Variants in RYR3 observed in about 807,000 individuals in gnomAD.
RYR3 encodes ryanodine receptor 3.
A neutral mutation model predicts 584.3 loss-of-function variants in RYR3; 207 were observed. That is an observed-to-expected ratio of 0.35 (90% CI 0.32 to 0.40). The LOEUF is 0.40. Among genes scored for constraint, RYR3 ranks in the 10% least tolerant of loss-of-function variants. RYR3 has a pLI of 1.00. For synonymous variants in RYR3, 2,416 were observed against 2,248.5 expected (o/e 1.07, Z -2.11); for missense variants, 5,616 against 6,089.2 (o/e 0.92, Z 2.59).
intron 1 of RYR3, among the ~76,000 whole-genome samples, chr15:33,369,349 C>T (rs1975979491): frequency 6.6e-6 from 1 of 152,204 alleles, no homozygotes; most frequent in African/African-American, 2.4e-5. Context: ...GGCACTCCTC[C>T]ACCAAATTAC....
intron 58 of RYR3, 83 bp downstream of exon 58, chr15:33,755,263 A>T: frequency 1.1e-6 from 1 of 879,576 alleles, no homozygotes; most frequent in African/African-American, 1.7e-5. Flanking sequence ...ACTTTTTATG[A>T]TTCATTTAGG....
chr15:33,355,693 G>C (rs1363093419), intron 1 of RYR3, among the ~76,000 whole-genome samples: 4 of 152,176 alleles, frequency 2.6e-5, no homozygotes, highest in Non-Finnish European at 5.9e-5. Flanking sequence ...CATTGTAGCT[G>C]ACTATATGGA....
chr15:33,344,066 C>A (rs10519811), intron 1 of RYR3, among the ~76,000 whole-genome samples: 11,956 of 152,232 alleles, frequency 0.079, 553 homozygotes, highest in Middle Eastern at 0.12. Flanking sequence ...AACGTACATT[C>A]ACTTGCTGGA....
At chr15:33,621,275 A>T (rs1385710916) in intron 19 of RYR3, among the ~76,000 whole-genome samples, 1 of 152,216 alleles carries the variant, frequency 6.6e-6, no homozygotes, top group Non-Finnish European at 1.5e-5. Context: ...AATGGAATAC[A>T]CTTACTTGCT....
chr15:33,423,448 T>C (rs1452039245), intron 1 of RYR3, among the ~76,000 whole-genome samples: 1 of 152,228 alleles, frequency 6.6e-6, no homozygotes, highest in East Asian at 1.9e-4. Flanking sequence ...TATTGTGAAT[T>C]GGCCTGTAAG....
intron 49 of RYR3, among the ~76,000 whole-genome samples, chr15:33,736,773 G>T (rs1261765767): frequency 1.6e-5 from 2 of 126,762 alleles, no homozygotes. Context: ...AAATGAGATG[G>T]AGTCTTGCTC....
chr15:33,566,571 T>C, intron 11 of RYR3, 107 bp from the exon 12 acceptor site: 1 of 1,245,032 alleles, frequency 8.0e-7, no homozygotes, highest in Non-Finnish European at 1.2e-6. Flanking sequence ...AGAGAGCTTA[T>C]TTGGAGAAAG....
At chr15:33,792,331 G>A (rs988234522) in intron 67 of RYR3, among the ~76,000 whole-genome samples, 1 of 152,136 alleles carries the variant, frequency 6.6e-6, no homozygotes, top group South Asian at 2.1e-4. Context: ...CAAACCTGCT[G>A]CTCCCTTCTC....
Position 33,827,235 on chromosome 15 carries a change from C to G in RYR3, c.11282C>G (p.Thr3761Ser), listed in dbSNP as rs1320859405. The change falls in exon 85 of 104, where the codon ACC becomes AGC. Residue 3761 changes from threonine to serine, a missense_variant. Thr to Ser is a moderately conservative substitution (Grantham distance 58). This residue lies in a region of RYR3 where 954 missense variants were observed against 1,132.2 expected (regional missense o/e 0.84). Transcript: ENST00000634891. Reference protein sequence around the residue: ...QNFLRTQMGNTTTVNVIISTV... With the variant: ...QNFLRTQMGNSTTVNVIISTV... ...TTCCTGCGGACTCAGATGGGCAACA[C>G]CACCACCGTGAATGTCATCATCAGC... is the stretch of plus-strand genomic sequence containing the variant. 6.4e-7 allele frequency: 1 copy of G among 1,552,366 alleles called. No individual in the cohort carries two copies. Among genetic ancestry groups the G allele is most frequent in the African/African-American group, 1.4e-5 (1 of 73,062 alleles).
In RYR3 at chr15:33,563,007, A is replaced by G. The variant is rs1380106388; in HGVS notation, c.1143A>G (p.Arg381=). ...CTTCCCGCCTGGGACCTCTAAAAAGAAAGGTGAGAGTCAGAATATCTGTCT... is the reference window on the plus strand; with the variant it reads ...CTTCCCGCCTGGGACCTCTAAAAAGGAAGGTGAGAGTCAGAATATCTGTCT... ...AKTSRLGPLK[R]KVILHQEGHM... The change falls in exon 11 of 104, where the codon AGA becomes AGG. Residue 381 remains arginine, a synonymous_variant. Transcript: ENST00000634891. 6.2e-7 allele frequency: 1 copy of G among 1,608,108 alleles called. No individual in the cohort carries two copies. Among genetic ancestry groups the G allele is most frequent in the African/African-American group, 1.3e-5 (1 of 74,694 alleles).
At chr15:33,407,980 GA>G (rs60482512) in intron 1 of RYR3, among the ~76,000 whole-genome samples, 5,796 of 147,238 alleles carry the variant, frequency 0.039, 367 homozygotes, top group African/African-American at 0.13. Context: ...TTTGGAAAAG[GA>G]AAAAAAAATG....
chr15:33,669,862 G>GGGT (rs2063730433), intron 37 of RYR3, among the ~76,000 whole-genome samples: 1 of 43,536 alleles, frequency 2.3e-5, no homozygotes, highest in Non-Finnish European at 5.3e-5. Flanking sequence ...GGGGGGGTGT[G>GGGT]GGTGTGTGGG....
intron 41 of RYR3, 22 bp downstream of exon 41, chr15:33,699,855 T>G (rs562338278): frequency 6.2e-7 from 1 of 1,602,192 alleles, no homozygotes; most frequent in South Asian, 1.1e-5. Context: ...TTCTTGTAAC[T>G]TCCACATCCA....
intron 36 of RYR3, among the ~76,000 whole-genome samples, chr15:33,667,790 G>A (rs569123774): frequency 1.3e-5 from 2 of 152,170 alleles, no homozygotes; most frequent in South Asian, 4.1e-4. Context: ...CAGGCCCGGC[G>A]CGGTGGCTCA....
At chr15:33,743,554 G>A (rs374138339) in intron 52 of RYR3, among the ~76,000 whole-genome samples, 4 of 152,314 alleles carry the variant, frequency 2.6e-5, no homozygotes, top group East Asian at 1.9e-4. Flanking sequence ...TTGCTCTAGA[G>A]CATCTGCGTT....
chr15:33,696,449 G>A lies in RYR3; in HGVS notation c.6092G>A (p.Arg2031Lys). ...CAAATCCGCTCCCTCCTCAGTGTCA[G>A]GATGGGCAAGGAAGAGGAGTTGCTC... Reference protein sequence around the residue: ...LGQIRSLLSVRMGKEEELLMI... With the variant: ...LGQIRSLLSVKMGKEEELLMI... Residue 2031 changes from arginine (R) to lysine (K), a missense_variant, in exon 39 of 104, where the codon AGG becomes AAG. This residue lies in a region of RYR3 where 1,280 missense variants were observed against 1,426.2 expected (regional missense o/e 0.90). Transcript: ENST00000634891. 2 of 1,613,988 alleles carry A rather than the reference G, an allele frequency of 1.2e-6. No individual in the cohort carries two copies. The highest frequency in any genetic ancestry group is 1.1e-5 in the South Asian group (1 of 91,072).
intron 47 of RYR3, among the ~76,000 whole-genome samples, chr15:33,729,407 C>T (rs932336554): frequency 1.3e-5 from 2 of 152,220 alleles, no homozygotes; most frequent in South Asian, 2.1e-4. Flanking sequence ...GATGTCCCCT[C>T]GGGGACAAAA....
intron 4 of RYR3, among the ~76,000 whole-genome samples, chr15:33,531,823 T>TC (rs1165890369): frequency 6.6e-6 from 1 of 152,016 alleles, no homozygotes; most frequent in Non-Finnish European, 1.5e-5. Context: ...TATCTGGAAT[T>TC]GAGAAGGTGA....
At chr15:33,356,484 A>G (rs984487397) in intron 1 of RYR3, among the ~76,000 whole-genome samples, 10 of 152,294 alleles carry the variant, frequency 6.6e-5, no homozygotes, top group Admixed American at 3.9e-4. Flanking sequence ...TCTGAATTTG[A>G]ATTTGTGGAC....
Sources: allele counts gnomAD v4.1 joint callset (sites outside exome capture counted in the v4.1 genomes callset), GRCh38; gene constraint gnomAD v4.1.1; regional missense constraint gnomAD v4.1.1; transcripts MANE v1.5; gene names NCBI Gene and HGNC (gene_info 2026-07-23, HGNC 2026-07-21).